Variants in SMURF2 observed in about 807,000 individuals in gnomAD.
SMURF2 encodes E3 ubiquitin-protein ligase SMURF2.
In SMURF2, 48 loss-of-function variants were observed where a neutral mutation model predicts 109.6. The ratio of observed to expected loss-of-function variants is 0.44; its 90% confidence interval spans 0.35 to 0.56. SMURF2 has a LOEUF of 0.56. Among genes scored for constraint, SMURF2 ranks in the 20% least tolerant of loss-of-function variants. The pLI is 0.01. For synonymous variants in SMURF2, 288 were observed against 317.1 expected, an observed-to-expected ratio of 0.91 and a Z score of 0.97; for missense variants, 575 against 909.0, an observed-to-expected ratio of 0.63 and a Z score of 4.72.
intron 1 of SMURF2, among the ~76,000 whole-genome samples, chr17:64,657,653 G>A (rs1440625694): frequency 4.6e-5 from 7 of 151,770 alleles, no homozygotes; most frequent in African/African-American, 1.5e-4. Context: ...GCAGTAAGCC[G>A]GGATTGCTCA....
At chr17:64,617,276 G>A (rs1373303604) in intron 1 of SMURF2, among the ~76,000 whole-genome samples, 1 of 151,906 alleles carries the variant, frequency 6.6e-6, no homozygotes, top group Non-Finnish European at 1.5e-5. Context: ...ATTTAATGAA[G>A]GAATTTTAGG....
At chr17:64,624,594 G>A (rs1970244999) in intron 1 of SMURF2, among the ~76,000 whole-genome samples, 1 of 143,814 alleles carries the variant, frequency 7.0e-6, no homozygotes, top group Non-Finnish European at 1.5e-5. Flanking sequence ...GGCTGAGGCT[G>A]GAGGACTGCT....
chr17:64,607,549 C>T (rs2144676799), intron 1 of SMURF2, among the ~76,000 whole-genome samples: 1 of 151,636 alleles, frequency 6.6e-6, no homozygotes, highest in East Asian at 1.9e-4. Context: ...TCGCTTGAAC[C>T]CGGGAGAGGG....
At chr17:64,635,727 G>A (rs1481306504) in intron 1 of SMURF2, among the ~76,000 whole-genome samples, 1 of 152,118 alleles carries the variant, frequency 6.6e-6, no homozygotes, top group Non-Finnish European at 1.5e-5. Context: ...CCATTCAGTT[G>A]ACAGACATCT....
intron 8 of SMURF2, among the ~76,000 whole-genome samples, chr17:64,580,242 A>G (rs1158426883): frequency 6.6e-6 from 1 of 152,246 alleles, no homozygotes; most frequent in Non-Finnish European, 1.5e-5. Flanking sequence ...TATCTTCCAC[A>G]TGAAACTTTA....
intron 1 of SMURF2, among the ~76,000 whole-genome samples, chr17:64,625,100 G>A (rs1474779289): frequency 6.6e-6 from 1 of 152,178 alleles, no homozygotes; most frequent in Non-Finnish European, 1.5e-5. Flanking sequence ...GACTCTAGGG[G>A]GCCACTGGTA....
chr17:64,553,050 G>A (rs28533679), intron 15 of SMURF2, among the ~76,000 whole-genome samples: 1,713 of 151,880 alleles, frequency 0.011, 32 homozygotes, highest in African/African-American at 0.039. Flanking sequence ...TACTTTTTAC[G>A]TATATAACAA....
intron 3 of SMURF2, among the ~76,000 whole-genome samples, chr17:64,597,183 A>G (rs1251405122): frequency 2.0e-5 from 3 of 152,102 alleles, no homozygotes; most frequent in Admixed American, 6.6e-5. Flanking sequence ...AGGAGGGAGA[A>G]TCTTGAGCCC....
intron 1 of SMURF2, among the ~76,000 whole-genome samples, chr17:64,659,567 T>C (rs1312046448): frequency 2.6e-5 from 4 of 151,776 alleles, no homozygotes; most frequent in Non-Finnish European, 4.4e-5. Context: ...TTAAATATTT[T>C]ATTTGGCTTC....
At chr17:64,583,129 T>C (rs1969599829) in intron 7 of SMURF2, among the ~76,000 whole-genome samples, 1 of 152,140 alleles carries the variant, frequency 6.6e-6, no homozygotes, top group Admixed American at 6.5e-5. Flanking sequence ...TGAACTCAAG[T>C]GATCCACATG....
intron 1 of SMURF2, among the ~76,000 whole-genome samples, chr17:64,655,545 C>T (rs1390433347): frequency 6.6e-6 from 1 of 151,880 alleles, no homozygotes; most frequent in Non-Finnish European, 1.5e-5. Context: ...AACCGTGAGC[C>T]ACCATGCCCG....
At chr17:64,554,120 C>T (rs540929250) in intron 15 of SMURF2, among the ~76,000 whole-genome samples, 7 of 152,246 alleles carry the variant, frequency 4.6e-5, no homozygotes, top group Admixed American at 1.3e-4. Context: ...CATTTATAAA[C>T]AGGCTAAGTG....
intron 16 of SMURF2, among the ~76,000 whole-genome samples, chr17:64,548,480 C>T (rs9902337): frequency 2.6e-5 from 4 of 152,066 alleles, no homozygotes; most frequent in Admixed American, 1.3e-4. Context: ...CTCTGCCTCC[C>T]GGGTTCAAGT....
chr17:64,574,930 T>C (rs1466639144), intron 9 of SMURF2, among the ~76,000 whole-genome samples: 2 of 152,120 alleles, frequency 1.3e-5, no homozygotes, highest in Non-Finnish European at 2.9e-5. Flanking sequence ...AATCATTTAG[T>C]TAAAAAAAAT....
chr17:64,661,335 G>C (rs1970772073), intron 1 of SMURF2, among the ~76,000 whole-genome samples: 1 of 151,974 alleles, frequency 6.6e-6, no homozygotes, highest in African/African-American at 2.4e-5. Flanking sequence ...TTTTTCATGC[G>C]GGCATAACTG....
At chr17:64,574,571 T>C (rs1322739716) in intron 9 of SMURF2, among the ~76,000 whole-genome samples, 3 of 152,234 alleles carry the variant, frequency 2.0e-5, no homozygotes, top group Non-Finnish European at 4.4e-5. Flanking sequence ...ATATTTATAG[T>C]ATACTTTCAT....
intron 16 of SMURF2, among the ~76,000 whole-genome samples, chr17:64,549,794 A>C (rs1245951723): frequency 6.6e-6 from 1 of 152,088 alleles, no homozygotes; most frequent in Non-Finnish European, 1.5e-5. Flanking sequence ...AGAAAAACAA[A>C]GTTTCATGAC....
intron 1 of SMURF2, among the ~76,000 whole-genome samples, chr17:64,643,403 G>A (rs918969395): frequency 6.6e-6 from 1 of 152,144 alleles, no homozygotes; most frequent in African/African-American, 2.4e-5. Context: ...GGGTGTGCTA[G>A]ATGTTTTGTT....
At chr17:64,586,236 T>C in intron 5 of SMURF2, 66 bp from the exon 6 acceptor site, 2 of 1,076,228 alleles carry the variant, frequency 1.9e-6, no homozygotes, top group East Asian at 2.5e-5. Flanking sequence ...ATCTAAAATT[T>C]CTATCTTCAG....
Sources: gnomAD v4.1 joint callset for allele counts (sites outside exome capture counted in the v4.1 genomes callset) on GRCh38, gnomAD v4.1.1 for gene constraint, MANE v1.5 for transcripts, NCBI Gene and HGNC (gene_info 2026-07-23, HGNC 2026-07-21) for gene names.